TCERG1L: variants seen among roughly 807,000 people sequenced by gnomAD.
The protein encoded by TCERG1L is transcription elongation regulator 1-like protein.
In TCERG1L, 37 loss-of-function variants were observed where a neutral mutation model predicts 56.3. The ratio of observed to expected loss-of-function variants is 0.66; its 90% CI spans 0.51 to 0.87. The LOEUF is 0.87. Among genes scored for constraint, TCERG1L ranks in the 40% least tolerant of loss-of-function variants. The probability of loss-of-function intolerance (pLI) is 0.00; values close to 1 mark genes in which losing one functional copy is unlikely to be tolerated. For synonymous variants in TCERG1L, 324 were observed against 326.3 expected, an observed-to-expected ratio of 0.99 and a Z score of 0.08; for missense variants, 799 against 774.2, an observed-to-expected ratio of 1.03 and a Z score of -0.38.
At chr10:131,230,394 G>A (rs1055490822) in intron 4 of TCERG1L, among the ~76,000 whole-genome samples, 10 of 152,220 alleles carry the variant, frequency 6.6e-5, no homozygotes, top group Admixed American at 2.6e-4. Context: ...AGCACGTGCA[G>A]GCCCCTTGCT....
chr10:131,163,502 G>C (rs957636919), intron 5 of TCERG1L, among the ~76,000 whole-genome samples: 1 of 152,154 alleles, frequency 6.6e-6, no homozygotes, highest in Non-Finnish European at 1.5e-5. Context: ...CCAAGAGAGG[G>C]CATCTGAGGT....
intron 3 of TCERG1L, among the ~76,000 whole-genome samples, chr10:131,289,036 A>G (rs1200437638): frequency 1.3e-5 from 2 of 152,268 alleles, no homozygotes; most frequent in African/African-American, 2.4e-5. Flanking sequence ...CAAAATTTCA[A>G]AAGTCAGGGT....
rs199625668 is a variant in TCERG1L, at chr10:131,281,141, C to A, written c.671-20697G>T. The stretch of plus-strand genomic sequence containing the variant: ...CTCAATGGCAATAATCTACTAGCAA[C>A]AGTCATTAAATTTCCCACTTCTATT... On this transcript the variant is annotated intron_variant, in intron 3 of 11. Coordinates refer to ENST00000368642, the MANE Select transcript of TCERG1L (RefSeq NM_174937.4). 2.0e-5 allele frequency among the ~76,000 whole-genome samples: 3 copies of A among 152,194 alleles called. No homozygotes were observed. In the East Asian group the frequency reaches 5.8e-4, roughly 29 times the overall value.
intron 7 of TCERG1L, among the ~76,000 whole-genome samples, chr10:131,137,169 A>AAAC (rs1845684992): frequency 1.6e-5 from 2 of 124,114 alleles, no homozygotes; most frequent in African/African-American, 5.7e-5. Flanking sequence ...AACAAACAAA[A>AAAC]AACCGAGGGC....
At chr10:131,124,840 T>C (rs1420011948) in intron 8 of TCERG1L, among the ~76,000 whole-genome samples, 1 of 152,250 alleles carries the variant, frequency 6.6e-6, no homozygotes, top group Non-Finnish European at 1.5e-5. Context: ...CTGTGTGCTC[T>C]GTGTTCTCGA....
At chr10:131,117,705 C>T (rs533470865) in intron 8 of TCERG1L, among the ~76,000 whole-genome samples, 41 of 152,310 alleles carry the variant, frequency 2.7e-4, no homozygotes, top group African/African-American at 8.2e-4. Flanking sequence ...CCGAACCACA[C>T]GGGCAGGGAG....
At chr10:131,271,842 T>C (rs564175967) in intron 3 of TCERG1L, among the ~76,000 whole-genome samples, 6 of 152,350 alleles carry the variant, frequency 3.9e-5, no homozygotes, top group African/African-American at 1.4e-4. Flanking sequence ...CTGTCTGTGC[T>C]GAGCAACCCA....
intron 3 of TCERG1L, among the ~76,000 whole-genome samples, chr10:131,277,087 A>G (rs1589769702): frequency 6.6e-6 from 1 of 152,172 alleles, no homozygotes; most frequent in African/African-American, 2.4e-5. Context: ...TTGAGATTAC[A>G]GAATCAAGGC....
intron 9 of TCERG1L, among the ~76,000 whole-genome samples, chr10:131,107,929 A>T (rs549375346): frequency 6.6e-6 from 1 of 151,112 alleles, no homozygotes; most frequent in East Asian, 2.0e-4. Context: ...AGATGCACAC[A>T]TTGATACACA....
chr10:131,285,633 C>T (rs1056896528), intron 3 of TCERG1L, among the ~76,000 whole-genome samples: 1 of 151,940 alleles, frequency 6.6e-6, no homozygotes, highest in African/African-American at 2.4e-5. Context: ...ACTAAAGACG[C>T]TAAACGCTGT....
In TCERG1L at chr10:131,243,138, C is replaced by A. The variant is rs553250629; in HGVS notation, c.856+17121G>T. Among the ~76,000 whole-genome samples, 9 of 152,186 alleles carry A rather than the reference C, an allele frequency of 5.9e-5. No individual in the cohort carries two copies. In the East Asian group the frequency reaches 1.7e-3, roughly 29 times the overall value. On this transcript the variant is annotated intron_variant, in intron 4 of 11. Coordinates refer to ENST00000368642, the MANE Select transcript of TCERG1L (RefSeq NM_174937.4). ...TGTGGGGCTGTGCAAGATTTTGGTT[C>A]GCCTGCACGATAATAACAATCGCCA... is the stretch of plus-strand genomic sequence containing the variant.
chr10:131,123,749 A>G (rs1197349776), intron 8 of TCERG1L, among the ~76,000 whole-genome samples: 1 of 152,016 alleles, frequency 6.6e-6, no homozygotes, highest in Admixed American at 6.5e-5. Context: ...CTCTGGTAGC[A>G]CCCGGGGAGC....
intron 4 of TCERG1L, among the ~76,000 whole-genome samples, chr10:131,186,302 T>C (rs759928334): frequency 6.6e-6 from 1 of 152,134 alleles, no homozygotes; most frequent in Admixed American, 6.5e-5. Flanking sequence ...TTGAGCAACA[T>C]GGTAATTGCG....
rs551959007 is a variant in TCERG1L, at chr10:131,125,202, G to A, written c.1260-8268C>T. Reference sequence around the variant, plus strand: ...TAGTGACAATGGCCATGATGATGGTGATGAACATGATGATGATGGTGGTGG... The same window carrying A: ...TAGTGACAATGGCCATGATGATGGTAATGAACATGATGATGATGGTGGTGG... On this transcript the variant is annotated intron_variant, in intron 8 of 11. Coordinates refer to ENST00000368642, the MANE Select transcript of TCERG1L (RefSeq NM_174937.4). 4.2e-4 allele frequency among the ~76,000 whole-genome samples: 61 copies of A among 144,238 alleles called. No individual in the cohort carries two copies. In the South Asian group the frequency reaches 0.014, roughly 33 times the overall value. The allele number at this position is 144,238 out of a possible 152,430, so 94.6% of individuals were successfully genotyped here.
chr10:131,147,514 C>A (rs1174033640), intron 6 of TCERG1L, among the ~76,000 whole-genome samples: 1 of 152,214 alleles, frequency 6.6e-6, no homozygotes, highest in African/African-American at 2.4e-5. Context: ...CTGGGTTTAA[C>A]CCCTAAGTCG....
intron 3 of TCERG1L, among the ~76,000 whole-genome samples, chr10:131,279,620 T>G (rs528242158): frequency 1.3e-5 from 2 of 152,174 alleles, no homozygotes; most frequent in African/African-American, 4.8e-5. Context: ...CATGCTGGCC[T>G]GCAATCCAGA....
chr10:131,184,211 G>A (rs12255025), intron 4 of TCERG1L, among the ~76,000 whole-genome samples: 17,389 of 152,184 alleles, frequency 0.11, 1,037 homozygotes, highest in East Asian at 0.2. Flanking sequence ...AAAAAACGTG[G>A]CCCATATTTC....
At position 131,111,020 on chromosome 10, in the gene TCERG1L, G is replaced by C. The variant is rs1368197629; in HGVS notation, c.1395+5779C>G. Among the ~76,000 whole-genome samples, 2 of 143,224 alleles carry C rather than the reference G, an allele frequency of 1.4e-5. 1 individual carries two copies. Among genetic ancestry groups the C allele is most frequent in the Non-Finnish European group, 3.1e-5 (2 of 63,544 alleles). The allele number at this position is 143,224 out of a possible 152,430, so 94.0% of individuals were successfully genotyped here. A position where few individuals can be genotyped will look rare whatever the true frequency, so the allele number is the denominator to read the frequency against. ...TTTTCAATCCCTGGATCATGGAAAA[G>C]GCCAGCGATCCTGATGACCAGAGAA... On this transcript the variant is annotated intron_variant, in intron 9 of 11. Coordinates refer to ENST00000368642, the MANE Select transcript of TCERG1L (RefSeq NM_174937.4).
chr10:131,179,062 G>C (rs956525091), intron 4 of TCERG1L, among the ~76,000 whole-genome samples: 10 of 152,180 alleles, frequency 6.6e-5, no homozygotes, highest in African/African-American at 2.4e-4. Context: ...GGCTGAGCCC[G>C]CGTCGGCACC....
Sources: allele counts gnomAD v4.1 joint callset (sites outside exome capture counted in the v4.1 genomes callset), GRCh38; gene constraint gnomAD v4.1.1; transcripts MANE v1.5; gene names NCBI Gene and HGNC (gene_info 2026-07-23, HGNC 2026-07-21).